MYO5B: variants seen among roughly 807,000 people sequenced by gnomAD.
MYO5B encodes the protein myosin VB, also known as unconventional myosin-Vb.
A neutral mutation model predicts 229.3 loss-of-function variants in MYO5B; 143 were observed. The observed-to-expected ratio is 0.62, with a 90% CI of 0.54 to 0.72. The LOEUF (loss-of-function observed/expected upper bound fraction) is 0.72. Ranked by LOEUF, MYO5B falls within the 30% of genes least tolerant of loss-of-function variation. The pLI, the probability that MYO5B is intolerant of heterozygous loss-of-function variation, is 0.00. For missense variants in MYO5B, 2,321 were observed against 2,331.0 expected (o/e 1.00, Z 0.09); for synonymous variants, 918 against 885.2 (o/e 1.04, Z -0.66).
intron 30 of MYO5B, among the ~76,000 whole-genome samples, chr18:49,855,122 G>C (rs1030426911): frequency 3.3e-5 from 5 of 152,218 alleles, no homozygotes; most frequent in African/African-American, 1.2e-4. Flanking sequence ...CACATTAAAA[G>C]TAGTCACCAA....
At chr18:50,028,716 A>T (rs2026357808) in intron 4 of MYO5B, among the ~76,000 whole-genome samples, 1 of 152,254 alleles carries the variant, frequency 6.6e-6, no homozygotes, top group Non-Finnish European at 1.5e-5. Context: ...GTAGGGCAGC[A>T]TCCAAAAGAC....
chr18:49,944,890 G>A (rs2025354149), intron 14 of MYO5B, among the ~76,000 whole-genome samples: 1 of 152,106 alleles, frequency 6.6e-6, no homozygotes, highest in Non-Finnish European at 1.5e-5. Flanking sequence ...TCCACCAGAT[G>A]GCCTCCTCCC....
At position 50,179,056 on chromosome 18, in the gene MYO5B, T is replaced by C. The variant is rs74953257; in HGVS notation, c.27+15711A>G. On this transcript the variant is annotated intron_variant, in intron 1 of 39. Coordinates refer to ENST00000285039, the MANE Select transcript of MYO5B (RefSeq NM_001080467.3). Reference sequence around the variant, plus strand: ...AATCCAAGGAAAAAATGTTTATTATTATACTAATAAATAAATGGCAAATCT... The same window carrying C: ...AATCCAAGGAAAAAATGTTTATTATCATACTAATAAATAAATGGCAAATCT... 8.9e-3 allele frequency among the ~76,000 whole-genome samples: 1,356 copies of C among 152,242 alleles called. 20 individuals are homozygous for C. The highest frequency in any genetic ancestry group is 0.031 in the African/African-American group (1,274 of 41,510).
At chr18:50,072,436 G>C (rs1409843642) in intron 1 of MYO5B, among the ~76,000 whole-genome samples, 1 of 152,088 alleles carries the variant, frequency 6.6e-6, no homozygotes, top group African/African-American at 2.4e-5. Flanking sequence ...AGTGTAGCCT[G>C]GGGGGAAATT....
intron 6 of MYO5B, among the ~76,000 whole-genome samples, chr18:49,991,492 A>T (rs1388415450): frequency 6.6e-6 from 1 of 152,190 alleles, no homozygotes; most frequent in Non-Finnish European, 1.5e-5. Context: ...CACCAAGCCC[A>T]CTAAAGTCAG....
intron 31 of MYO5B, chr18:49,850,679 T>C (rs2024189308): frequency 6.6e-6 from 1 of 152,200 alleles, no homozygotes; most frequent in Non-Finnish European, 1.5e-5. Flanking sequence ...GCCAGGAATC[T>C]CTGTGGCTAC....
chr18:49,883,990 C>A (rs1454779185), intron 22 of MYO5B, among the ~76,000 whole-genome samples: 4 of 152,180 alleles, frequency 2.6e-5, no homozygotes, highest in African/African-American at 9.7e-5. Context: ...AATGTAAGGG[C>A]TAAAACTATA....
chr18:49,978,500 G>T (rs1225648134), intron 9 of MYO5B, among the ~76,000 whole-genome samples: 2 of 151,880 alleles, frequency 1.3e-5, no homozygotes, highest in African/African-American at 4.8e-5. Flanking sequence ...TCTCAGAATT[G>T]CCCATCCACT....
intron 4 of MYO5B, among the ~76,000 whole-genome samples, chr18:50,028,051 A>G (rs1206413581): frequency 5.3e-5 from 8 of 152,166 alleles, no homozygotes; most frequent in Non-Finnish European, 1.5e-5. Flanking sequence ...AAACACAAGA[A>G]AACTTTCAGG....
chr18:50,145,967 T>C (rs151134799), intron 1 of MYO5B, among the ~76,000 whole-genome samples: 16 of 152,352 alleles, frequency 1.1e-4, no homozygotes, highest in African/African-American at 3.6e-4. Flanking sequence ...TTCGAAGTAT[T>C]TGTTTTAACT....
At chr18:49,847,637 G>A (rs576574921) in intron 32 of MYO5B, among the ~76,000 whole-genome samples, 4 of 152,202 alleles carry the variant, frequency 2.6e-5, no homozygotes, top group East Asian at 3.9e-4. Flanking sequence ...GTCTCTCACC[G>A]CTCCTGCATA....
At chr18:50,053,550 G>A (rs2030460552) in intron 2 of MYO5B, among the ~76,000 whole-genome samples, 1 of 152,126 alleles carries the variant, frequency 6.6e-6, no homozygotes, top group Non-Finnish European at 1.5e-5. Context: ...GGTGGGGTGG[G>A]AAGTTATTCA....
At chr18:50,073,680 G>A (rs564237688) in intron 1 of MYO5B, among the ~76,000 whole-genome samples, 15 of 152,126 alleles carry the variant, frequency 9.9e-5, no homozygotes, top group Admixed American at 5.9e-4. Context: ...CCTTATTTGG[G>A]TATGTAATAT....
chr18:50,141,403 G>A (rs1448227901), intron 1 of MYO5B, among the ~76,000 whole-genome samples: 1 of 152,174 alleles, frequency 6.6e-6, no homozygotes, highest in East Asian at 1.9e-4. Flanking sequence ...CACTGCCTAT[G>A]GGGTAGACCT....
chr18:49,991,387 C>A (rs1047309870), intron 6 of MYO5B, among the ~76,000 whole-genome samples: 10 of 152,208 alleles, frequency 6.6e-5, no homozygotes, highest in African/African-American at 2.4e-4. Context: ...CAAGAATCTG[C>A]CACAGACTCA....
chr18:50,156,348 G>C (rs1175725827), intron 1 of MYO5B, among the ~76,000 whole-genome samples: 3 of 152,188 alleles, frequency 2.0e-5, no homozygotes, highest in Non-Finnish European at 4.4e-5. Context: ...ATCCCCCCGT[G>C]TTGCGGGAGG....
intron 1 of MYO5B, among the ~76,000 whole-genome samples, chr18:50,059,887 T>C (rs2030644492): frequency 6.6e-6 from 1 of 152,206 alleles, no homozygotes; most frequent in African/African-American, 2.4e-5. Flanking sequence ...GCGAGATGCA[T>C]TGCTTCTGTA....
At chr18:50,014,525 A>G (rs2026196816) in intron 4 of MYO5B, among the ~76,000 whole-genome samples, 1 of 152,142 alleles carries the variant, frequency 6.6e-6, no homozygotes, top group Admixed American at 6.5e-5. Context: ...TGGGTGAGAT[A>G]CAGCCTGCAA....
chr18:49,998,333 G>A (rs986187413), intron 5 of MYO5B, among the ~76,000 whole-genome samples: 9 of 152,084 alleles, frequency 5.9e-5, no homozygotes, highest in Non-Finnish European at 1.0e-4. Context: ...AACCACTGTA[G>A]CATTTATTTA....
Sources: allele counts gnomAD v4.1 joint callset (sites outside exome capture counted in the v4.1 genomes callset), GRCh38; gene constraint gnomAD v4.1.1; transcripts MANE v1.5; gene names NCBI Gene and HGNC (gene_info 2026-07-23, HGNC 2026-07-21).